Variants in DLG2 observed in about 807,000 individuals in gnomAD.
The protein encoded by DLG2 is discs large MAGUK scaffold protein 2, also known as disks large homolog 2.
Under a neutral mutation model 132.5 loss-of-function variants are expected in DLG2, and 45 were observed. That is an observed-to-expected ratio of 0.34 (90% CI 0.27 to 0.44). The LOEUF (loss-of-function observed/expected upper bound fraction) is 0.44. DLG2 is among the 20% of genes least tolerant of loss of function. The pLI is 1.00. For missense variants in DLG2, 1,045 were observed against 1,196.9 expected (o/e 0.87, Z 1.87); for synonymous variants, 424 against 419.6 (o/e 1.01, Z -0.13).
intron 8 of DLG2, among the ~76,000 whole-genome samples, chr11:84,180,383 G>A (rs1023296320): frequency 3.3e-5 from 5 of 151,994 alleles, no homozygotes; most frequent in Non-Finnish European, 7.4e-5. Flanking sequence ...AGAAATGTGA[G>A]ACATCTACAA....
chr11:85,579,257 A>C (rs1229435898), intron 3 of DLG2, among the ~76,000 whole-genome samples: 1 of 152,094 alleles, frequency 6.6e-6, no homozygotes, highest in East Asian at 1.9e-4. Flanking sequence ...GAGGAGGGAG[A>C]GAATAAGGAA....
At chr11:85,028,009 G>A (rs569510377) in intron 6 of DLG2, among the ~76,000 whole-genome samples, 1 of 152,326 alleles carries the variant, frequency 6.6e-6, no homozygotes, top group Non-Finnish European at 1.5e-5. Flanking sequence ...GATAATTTGA[G>A]GGTGACCAAG....
intron 7 of DLG2, among the ~76,000 whole-genome samples, chr11:84,259,988 C>T (rs1465416240): frequency 5.3e-5 from 8 of 152,158 alleles, no homozygotes; most frequent in Non-Finnish European, 1.2e-4. Context: ...TCCTTGAACA[C>T]TCACCATTAG....
intron 7 of DLG2, among the ~76,000 whole-genome samples, chr11:84,458,796 C>T (rs1379464506): frequency 6.6e-6 from 1 of 150,562 alleles, no homozygotes; most frequent in Non-Finnish European, 1.5e-5. Context: ...TTTATTTTTA[C>T]ATTAGCCTAT....
intron 4 of DLG2, among the ~76,000 whole-genome samples, chr11:85,268,629 C>T (rs917976086): frequency 1.9e-4 from 29 of 152,308 alleles, no homozygotes; most frequent in Admixed American, 1.9e-3. Context: ...TAGGATGTAA[C>T]TAAACATGGC....
chr11:85,403,669 T>A (rs1239153809), intron 3 of DLG2, among the ~76,000 whole-genome samples: 1 of 151,778 alleles, frequency 6.6e-6, no homozygotes, highest in Non-Finnish European at 1.5e-5. Context: ...ATGTATGATA[T>A]CACGTTTTGG....
rs561821495 is a variant in DLG2, at chr11:85,230,541, T to C, written c.186+54679A>G. Among the ~76,000 whole-genome samples, 3 of 152,008 alleles carry C rather than the reference T, an allele frequency of 2.0e-5. No individual in the cohort carries two copies. In the East Asian group the frequency reaches 5.8e-4, roughly 29 times the overall value. On this transcript the variant is annotated intron_variant, in intron 4 of 27. Transcript: ENST00000376104. ...CTTTTTTCTTTCACCATTTTAAAGATGTAGTTTTTTTCATACTTGCATTGT... is the reference window on the plus strand; with the variant it reads ...CTTTTTTCTTTCACCATTTTAAAGACGTAGTTTTTTTCATACTTGCATTGT...
intron 5 of DLG2, among the ~76,000 whole-genome samples, chr11:85,139,353 T>C (rs1312271477): frequency 1.3e-5 from 2 of 152,102 alleles, no homozygotes; most frequent in African/African-American, 4.8e-5. Flanking sequence ...AAAAAGTATA[T>C]GGCTAGAATC....
Position 85,154,612 on chromosome 11 carries a change from T to C in DLG2, c.226A>G (p.Ile76Val), listed in dbSNP as rs980169078. Residue 76 changes from isoleucine to valine, a missense_variant, in exon 5 of 28, where the codon ATT becomes GTT. Coordinates refer to ENST00000376104, the MANE Select transcript of DLG2 (RefSeq NM_001142699.3). ...CSGSKENASC[I>V]EQNKENQSFE... The stretch of plus-strand genomic sequence containing the variant: ...CTCTGATTTTCTTTATTTTGCTCAA[T>C]ACATGAAGCATTTTCCTTTGATCCA... 3 of 1,538,764 alleles carry C rather than the reference T, an allele frequency of 1.9e-6. No homozygotes were observed. Among genetic ancestry groups the C allele is most frequent in the Admixed American group, 2.0e-5 (1 of 50,716 alleles).
chr11:83,786,547 G>T, intron 18 of DLG2, 143 bp downstream of exon 18: 1 of 673,592 alleles, frequency 1.5e-6, no homozygotes, highest in Non-Finnish European at 2.5e-6. Context: ...ACGTTCTTTG[G>T]ACATGAACCA....
chr11:84,686,459 C>G (rs2099738240), intron 6 of DLG2, among the ~76,000 whole-genome samples: 1 of 152,094 alleles, frequency 6.6e-6, no homozygotes, highest in Non-Finnish European at 1.5e-5. Flanking sequence ...TCTCATATTT[C>G]AGGACTTCTA....
At chr11:83,707,564 A>G (rs2084332217) in intron 18 of DLG2, among the ~76,000 whole-genome samples, 1 of 152,160 alleles carries the variant, frequency 6.6e-6, no homozygotes, top group African/African-American at 2.4e-5. Context: ...CCAGCTACTC[A>G]TGAGGCTGAG....
intron 7 of DLG2, among the ~76,000 whole-genome samples, chr11:84,295,129 G>T: frequency 6.6e-6 from 1 of 152,096 alleles, no homozygotes; most frequent in East Asian, 1.9e-4. Flanking sequence ...TGAAAGCAGT[G>T]ACTCTTTGGA....
At chr11:84,225,226 A>G (rs1376273869) in intron 8 of DLG2, among the ~76,000 whole-genome samples, 1 of 152,232 alleles carries the variant, frequency 6.6e-6, no homozygotes, top group African/African-American at 2.4e-5. Context: ...ATGGATTATT[A>G]ATAACATATT....
At chr11:84,623,210 G>T (rs17147455) in intron 6 of DLG2, among the ~76,000 whole-genome samples, 10,082 of 151,940 alleles carry the variant, frequency 0.066, 404 homozygotes, top group African/African-American at 0.097. Context: ...CTACCTACAT[G>T]TATTTACTTA....
At chr11:85,168,296 T>G (rs1164349599) in intron 4 of DLG2, among the ~76,000 whole-genome samples, 1 of 152,156 alleles carries the variant, frequency 6.6e-6, no homozygotes, top group Non-Finnish European at 1.5e-5. Flanking sequence ...CTCTGAAACT[T>G]CAACAGAGGT....
chr11:85,203,382 T>C (rs1327171902), intron 4 of DLG2, among the ~76,000 whole-genome samples: 1 of 151,858 alleles, frequency 6.6e-6, no homozygotes, highest in Non-Finnish European at 1.5e-5. Flanking sequence ...TTACAACTGA[T>C]ACCACAGAAA....
At chr11:85,461,848 C>G (rs1009854960) in intron 3 of DLG2, among the ~76,000 whole-genome samples, 2 of 152,028 alleles carry the variant, frequency 1.3e-5, no homozygotes, top group Non-Finnish European at 2.9e-5. Context: ...AAGAAAATAC[C>G]ATCAGAGTGA....
intron 6 of DLG2, among the ~76,000 whole-genome samples, chr11:84,800,975 C>A (rs2075297746): frequency 6.6e-6 from 1 of 152,048 alleles, no homozygotes; most frequent in South Asian, 2.1e-4. Flanking sequence ...ATGTACTTTG[C>A]AGGAATTCTG....
Sources: allele counts gnomAD v4.1 joint callset (sites outside exome capture counted in the v4.1 genomes callset), GRCh38; gene constraint gnomAD v4.1.1; transcripts MANE v1.5; gene names NCBI Gene and HGNC (gene_info 2026-07-23, HGNC 2026-07-21).